MYRIP: variants seen among roughly 807,000 people sequenced by gnomAD.
The protein encoded by MYRIP is rab effector MyRIP.
A neutral mutation model predicts 98.0 loss-of-function variants in MYRIP; 49 were observed. The ratio of observed to expected loss-of-function variants is 0.50; its 90% confidence interval spans 0.40 to 0.63. The LOEUF is 0.63. MYRIP is among the 30% of genes least tolerant of loss of function. The pLI is 0.00. For synonymous variants in MYRIP, 404 were observed against 409.5 expected (o/e 0.99, Z 0.16); for missense variants, 1,004 against 1,058.2 (o/e 0.95, Z 0.71).
At chr3:39,831,096 C>T (rs1355616839) in intron 1 of MYRIP, among the ~76,000 whole-genome samples, 1 of 152,186 alleles carries the variant, frequency 6.6e-6, no homozygotes, top group Admixed American at 6.6e-5. Flanking sequence ...CAAGGATATA[C>T]TCTTGCTTTA....
intron 2 of MYRIP, among the ~76,000 whole-genome samples, chr3:39,935,327 G>A (rs73076759): frequency 2.6e-5 from 4 of 152,100 alleles, no homozygotes; most frequent in Admixed American, 6.6e-5. Context: ...AGGCAGGCAG[G>A]GGTTCTGTAA....
At chr3:39,809,577 C>G (rs1203625648), upstream of MYRIP, 1 of 151,290 alleles carries the variant, frequency 6.6e-6, no homozygotes, top group Non-Finnish European at 1.5e-5. Context: ...GGCTCTCGGC[C>G]GGGCCAGCAG....
intron 15 of MYRIP, among the ~76,000 whole-genome samples, chr3:40,251,135 T>C (rs1040479025): frequency 6.6e-6 from 1 of 152,210 alleles, no homozygotes; most frequent in Non-Finnish European, 1.5e-5. Flanking sequence ...TTTCAACAAA[T>C]GCCCCAGGTT....
intron 3 of MYRIP, among the ~76,000 whole-genome samples, chr3:40,045,616 T>C (rs1400500565): frequency 1.3e-5 from 2 of 152,220 alleles, no homozygotes; most frequent in Non-Finnish European, 2.9e-5. Context: ...ACTTGAATAT[T>C]GTGGCACTGA....
chr3:39,959,891 C>A (rs551136835), intron 2 of MYRIP, among the ~76,000 whole-genome samples: 3 of 151,972 alleles, frequency 2.0e-5, no homozygotes, highest in African/African-American at 7.3e-5. Context: ...CCATGGTGTT[C>A]GTGATTCCTT....
intron 2 of MYRIP, among the ~76,000 whole-genome samples, chr3:39,917,219 A>C (rs1944183529): frequency 6.6e-6 from 1 of 152,008 alleles, no homozygotes; most frequent in South Asian, 2.1e-4. Context: ...AAAAGATTAC[A>C]TTAATTAAAG....
At chr3:39,893,872 A>G (rs1363263769) in intron 1 of MYRIP, among the ~76,000 whole-genome samples, 3 of 152,194 alleles carry the variant, frequency 2.0e-5, no homozygotes, top group South Asian at 2.1e-4. Context: ...ATAATAGCAA[A>G]TTTAATCAAT....
At chr3:40,020,118 T>C (rs774015205) in intron 2 of MYRIP, among the ~76,000 whole-genome samples, 6 of 152,202 alleles carry the variant, frequency 3.9e-5, no homozygotes, top group African/African-American at 9.7e-5. Context: ...TACCCATAGA[T>C]AGTTTTTCAG....
chr3:39,956,187 A>G (rs1254436393), intron 2 of MYRIP, among the ~76,000 whole-genome samples: 1 of 152,224 alleles, frequency 6.6e-6, no homozygotes, highest in African/African-American at 2.4e-5. Context: ...CCTAATAGAC[A>G]TCTGCGGAAC....
intron 1 of MYRIP, among the ~76,000 whole-genome samples, chr3:39,898,007 G>A (rs1943655542): frequency 6.6e-6 from 1 of 152,056 alleles, no homozygotes; most frequent in African/African-American, 2.4e-5. Flanking sequence ...CCTTTAATGA[G>A]GCTTTTTAAA....
chr3:39,893,068 A>T (rs1379462777), intron 1 of MYRIP, among the ~76,000 whole-genome samples: 2 of 152,198 alleles, frequency 1.3e-5, no homozygotes, highest in Non-Finnish European at 2.9e-5. Context: ...GTATGGCCTT[A>T]TAAATAAAAC....
chr3:39,921,309 A>G (rs1231826569), intron 2 of MYRIP, among the ~76,000 whole-genome samples: 2 of 152,210 alleles, frequency 1.3e-5, no homozygotes, highest in Non-Finnish European at 2.9e-5. Context: ...TCCTGTTTCC[A>G]CAATTGTGAC....
At chr3:39,946,969 G>A (rs974946284) in intron 2 of MYRIP, among the ~76,000 whole-genome samples, 1 of 152,146 alleles carries the variant, frequency 6.6e-6, no homozygotes, top group Non-Finnish European at 1.5e-5. Flanking sequence ...TTCGCTAAAG[G>A]CGAAAAGCAT....
intron 2 of MYRIP, among the ~76,000 whole-genome samples, chr3:39,905,812 A>G (rs898724894): frequency 2.0e-5 from 3 of 152,222 alleles, no homozygotes; most frequent in African/African-American, 7.2e-5. Context: ...TGAAGTTAGC[A>G]GGTATCTGAT....
intron 1 of MYRIP, among the ~76,000 whole-genome samples, chr3:39,893,474 T>C (rs2125662150): frequency 6.6e-6 from 1 of 152,216 alleles, no homozygotes; most frequent in African/African-American, 2.4e-5. Context: ...TAATGTGAAA[T>C]CAATTATAAT....
At chr3:39,874,722 G>A (rs951791660) in intron 1 of MYRIP, among the ~76,000 whole-genome samples, 6 of 152,162 alleles carry the variant, frequency 3.9e-5, no homozygotes, top group African/African-American at 1.2e-4. Context: ...GCTTTTTGAT[G>A]TGCTGCTGGA....
chr3:40,050,522 G>T (rs1305985416), intron 3 of MYRIP, among the ~76,000 whole-genome samples: 2 of 151,918 alleles, frequency 1.3e-5, no homozygotes, highest in Non-Finnish European at 2.9e-5. Context: ...CTGATCACCT[G>T]GGAGCTCTGA....
chr3:39,948,205 A>C (rs1198221307), intron 2 of MYRIP, among the ~76,000 whole-genome samples: 1 of 152,212 alleles, frequency 6.6e-6, no homozygotes, highest in Non-Finnish European at 1.5e-5. Flanking sequence ...GCCTCTCAAA[A>C]GACAATGGAG....
At chr3:40,203,941 TTA>T (rs1425753499) in intron 10 of MYRIP, among the ~76,000 whole-genome samples, 2 of 230 alleles carry the variant, frequency 8.7e-3, no homozygotes, top group Non-Finnish European at 0.029. Context: ...ATAATATATA[TTA>T]TATATATTAT....
Sources: allele counts gnomAD v4.1 joint callset (sites outside exome capture counted in the v4.1 genomes callset), GRCh38; gene constraint gnomAD v4.1.1; transcripts MANE v1.5; gene names NCBI Gene and HGNC (gene_info 2026-07-23, HGNC 2026-07-21).